Variants in COL25A1 observed in about 807,000 individuals in gnomAD.
COL25A1 encodes the protein collagen alpha-1(XXV) chain.
Under a neutral mutation model 128.4 loss-of-function variants are expected in COL25A1, and 103 were observed. The observed-to-expected ratio is 0.80, with a 90% CI of 0.68 to 0.94. The LOEUF is 0.94. COL25A1 is among the 40% of genes least tolerant of loss of function. The pLI is 0.00. For missense variants in COL25A1, 745 were observed against 840.0 expected (o/e 0.89, Z 1.40); for synonymous variants, 279 against 277.2 (o/e 1.01, Z -0.06).
intron 8 of COL25A1, among the ~76,000 whole-genome samples, chr4:108,949,787 G>A (rs537526520): frequency 1.3e-5 from 2 of 152,026 alleles, no homozygotes; most frequent in Admixed American, 6.6e-5. Context: ...CTCCCACCTC[G>A]GCCTCCCAAA....
At chr4:109,290,958 A>G (rs558736859) in intron 3 of COL25A1, among the ~76,000 whole-genome samples, 35 of 152,208 alleles carry the variant, frequency 2.3e-4, no homozygotes, top group African/African-American at 6.3e-4. Flanking sequence ...CTTTTTGCAG[A>G]AGACAAAGTA....
At chr4:109,193,936 G>A (rs1225905644) in intron 3 of COL25A1, among the ~76,000 whole-genome samples, 1 of 152,188 alleles carries the variant, frequency 6.6e-6, no homozygotes, top group African/African-American at 2.4e-5. Context: ...ATAAACCACT[G>A]AAAAGGGAGA....
chr4:108,944,412 C>CA (rs1478394043), intron 8 of COL25A1, among the ~76,000 whole-genome samples: 3 of 152,076 alleles, frequency 2.0e-5, no homozygotes, highest in Admixed American at 1.3e-4. Context: ...CTATATTACA[C>CA]AGTCAGAATT....
At chr4:109,074,752 A>C (rs1262361927) in intron 3 of COL25A1, among the ~76,000 whole-genome samples, 1 of 152,210 alleles carries the variant, frequency 6.6e-6, no homozygotes, top group Non-Finnish European at 1.5e-5. Context: ...CAATGGAATC[A>C]TACAGCTAAG....
chr4:109,292,525 T>G (rs938035480), intron 3 of COL25A1, among the ~76,000 whole-genome samples: 1 of 152,026 alleles, frequency 6.6e-6, no homozygotes, highest in Non-Finnish European at 1.5e-5. Flanking sequence ...CGATGAGCCC[T>G]AGAGATACAT....
At chr4:108,899,018 C>T (rs200350508) in intron 15 of COL25A1, 136 bp downstream of exon 15, 109 of 586,402 alleles carry the variant, frequency 1.9e-4, no homozygotes, top group Non-Finnish European at 2.8e-4. Flanking sequence ...TATATACCTA[C>T]CTACCTACCT....
At chr4:108,946,069 C>G (rs927335930) in intron 8 of COL25A1, among the ~76,000 whole-genome samples, 4 of 151,938 alleles carry the variant, frequency 2.6e-5, no homozygotes, top group African/African-American at 9.7e-5. Flanking sequence ...TATTTTTTTC[C>G]CTCCTGAGAG....
At chr4:108,930,621 G>A (rs569534159) in intron 11 of COL25A1, among the ~76,000 whole-genome samples, 5 of 152,340 alleles carry the variant, frequency 3.3e-5, no homozygotes, top group Non-Finnish European at 7.3e-5. Flanking sequence ...GAAGAATGGA[G>A]GAAGGTGTGG....
intron 3 of COL25A1, among the ~76,000 whole-genome samples, chr4:109,138,828 C>T (rs1770085656): frequency 6.6e-6 from 1 of 152,184 alleles, no homozygotes; most frequent in Non-Finnish European, 1.5e-5. Context: ...CTGCCTCAGC[C>T]TCCCGAGTAG....
chr4:109,082,099 C>A (rs753833023), intron 3 of COL25A1, among the ~76,000 whole-genome samples: 1 of 152,140 alleles, frequency 6.6e-6, no homozygotes. Context: ...ACTAGCATAA[C>A]GTTTCAAGAT....
chr4:109,176,543 A>C (rs1003509765), intron 3 of COL25A1, among the ~76,000 whole-genome samples: 7 of 152,186 alleles, frequency 4.6e-5, no homozygotes, highest in African/African-American at 1.7e-4. Flanking sequence ...AGAAAGTTCC[A>C]AGAAAAAGAG....
intron 6 of COL25A1, among the ~76,000 whole-genome samples, chr4:109,006,418 T>TTTTTTTTTTTTTTTTTTTTG (rs1756009020): frequency 7.7e-6 from 1 of 130,214 alleles, no homozygotes; most frequent in African/African-American, 2.9e-5. Flanking sequence ...TTTGGTATTT[T>TTTTTTTTTTTTTTTTTTTTG]TAGGAGAGAC....
intron 3 of COL25A1, among the ~76,000 whole-genome samples, chr4:109,221,376 A>G (rs980305382): frequency 3.9e-5 from 6 of 152,188 alleles, no homozygotes; most frequent in Non-Finnish European, 8.8e-5. Context: ...TGTAAGCTGC[A>G]CTTTAAAAAT....
intron 3 of COL25A1, among the ~76,000 whole-genome samples, chr4:109,197,879 G>A (rs1776249544): frequency 1.3e-5 from 2 of 151,902 alleles, no homozygotes; most frequent in Admixed American, 1.3e-4. Context: ...TAACTAACAA[G>A]TACCAGTGGA....
chr4:109,243,757 A>G (rs556501877), intron 3 of COL25A1, among the ~76,000 whole-genome samples: 1 of 152,250 alleles, frequency 6.6e-6, no homozygotes, highest in African/African-American at 2.4e-5. Context: ...TATTGGAATG[A>G]AATAGCCACT....
intron 13 of COL25A1, among the ~76,000 whole-genome samples, chr4:108,912,164 T>C (rs772269546): frequency 1.3e-5 from 2 of 152,100 alleles, no homozygotes; most frequent in Non-Finnish European, 2.9e-5. Context: ...AGTAGCCTTG[T>C]GTATAAAAAT....
At chr4:108,976,353 A>G (rs1752444070) in intron 6 of COL25A1, among the ~76,000 whole-genome samples, 1 of 152,194 alleles carries the variant, frequency 6.6e-6, no homozygotes, top group Non-Finnish European at 1.5e-5. Context: ...CCTTTTCCCC[A>G]TTATAGTACA....
Position 109,302,049 on chromosome 4 carries a change from T to C in COL25A1, c.-30A>G, listed in dbSNP as rs771627738. The C allele has an allele frequency of 6.4e-7, 1 of 1,557,518 alleles. No homozygotes were observed. Among genetic ancestry groups the C allele is most frequent in the Admixed American group, 1.8e-5 (1 of 55,492 alleles). ...GCGGGGTCGGCCGTCTCGGCTTCGCTTCCCACCCTCTACACCTCAAATAAT... is the reference window on the plus strand; with the variant it reads ...GCGGGGTCGGCCGTCTCGGCTTCGCCTCCCACCCTCTACACCTCAAATAAT... On this transcript the variant is annotated 5_prime_UTR_variant, in exon 2 of 38. Transcript: ENST00000399132.
At chr4:109,062,083 T>A (rs1343489637) in intron 3 of COL25A1, among the ~76,000 whole-genome samples, 1 of 152,172 alleles carries the variant, frequency 6.6e-6, no homozygotes, top group South Asian at 2.1e-4. Context: ...ACCAAAATTT[T>A]ATTGGCTTTC....
Sources: allele counts gnomAD v4.1 joint callset (sites outside exome capture counted in the v4.1 genomes callset), GRCh38; gene constraint gnomAD v4.1.1; transcripts MANE v1.5; gene names NCBI Gene and HGNC (gene_info 2026-07-23, HGNC 2026-07-21).